GABBR2: variants seen among roughly 807,000 people sequenced by gnomAD.
GABBR2 encodes gamma-aminobutyric acid type B receptor subunit 2.
GABBR2 carries 23 observed loss-of-function variants against 105.6 expected under a neutral mutation model. The observed-to-expected ratio is 0.22, with a 90% CI of 0.16 to 0.31. GABBR2 has a LOEUF of 0.31. Among genes scored for constraint, GABBR2 ranks in the 10% least tolerant of loss-of-function variants. The probability of loss-of-function intolerance (pLI) is 1.00; values close to 1 mark genes in which losing one functional copy is unlikely to be tolerated. For missense variants in GABBR2, 734 were observed against 1,245.5 expected, an observed-to-expected ratio of 0.59 and a Z score of 6.18; for synonymous variants, 478 against 499.7, an observed-to-expected ratio of 0.96 and a Z score of 0.58.
intron 13 of GABBR2, among the ~76,000 whole-genome samples, chr9:98,358,281 A>G (rs529524841): frequency 2.8e-4 from 43 of 152,340 alleles, no homozygotes; most frequent in African/African-American, 1.0e-3. Flanking sequence ...CTCATGTCAA[A>G]TAGTTTTCCA....
rs1826294696 is a variant in GABBR2 at position 98,454,709 on chromosome 9, T to G, written c.1000-492A>C. 6.6e-6 allele frequency among the ~76,000 whole-genome samples: 1 copy of G among 152,150 alleles called. No homozygotes were observed. The highest frequency in any genetic ancestry group is 1.5e-5 in the Non-Finnish European group (1 of 68,030). On this transcript the variant is annotated intron_variant, in intron 6 of 18. Transcript: ENST00000259455. The surrounding 1 kb of genome is among the most constrained non-coding windows in gnomAD (Gnocchi z 4.6). ...AGCTGGAATTCAGAATTCTGGGACT[T>G]CTCTGAGTTTCAGCAGCACAGAGGG...
chr9:98,637,260 A>T (rs574855105), intron 1 of GABBR2, among the ~76,000 whole-genome samples: 5 of 152,182 alleles, frequency 3.3e-5, no homozygotes, highest in Admixed American at 3.3e-4. Flanking sequence ...GCTGCATGCG[A>T]AAAGGGAGAC....
chr9:98,690,262 G>A (rs1483360693), intron 1 of GABBR2, among the ~76,000 whole-genome samples: 1 of 152,132 alleles, frequency 6.6e-6, no homozygotes, highest in Non-Finnish European at 1.5e-5. Flanking sequence ...AAGAAACTGA[G>A]TCTCAGAGAA....
intron 6 of GABBR2, among the ~76,000 whole-genome samples, chr9:98,458,672 T>C (rs1235293293): frequency 1.3e-5 from 2 of 152,186 alleles, no homozygotes; most frequent in Non-Finnish European, 2.9e-5. Context: ...ATCATTGCAC[T>C]CCAGCCTGGG....
At chr9:98,352,527 T>G (rs1227064574) in intron 13 of GABBR2, among the ~76,000 whole-genome samples, 3 of 151,868 alleles carry the variant, frequency 2.0e-5, no homozygotes, top group African/African-American at 7.3e-5. Flanking sequence ...AGATAGCACA[T>G]GTGGGTGGTG....
At chr9:98,640,569 G>A (rs1829946047) in intron 1 of GABBR2, among the ~76,000 whole-genome samples, 1 of 152,164 alleles carries the variant, frequency 6.6e-6, no homozygotes, top group Non-Finnish European at 1.5e-5. Context: ...ATACATGGAT[G>A]TACATGGAGT....
chr9:98,691,930 T>G (rs570601724), intron 1 of GABBR2, among the ~76,000 whole-genome samples: 107 of 152,274 alleles, frequency 7.0e-4, no homozygotes, highest in Non-Finnish European at 1.4e-3. Flanking sequence ...TCTTCAAATC[T>G]CCCTCACAGC....
At chr9:98,645,321 T>C (rs1030092634) in intron 1 of GABBR2, among the ~76,000 whole-genome samples, 2 of 152,148 alleles carry the variant, frequency 1.3e-5, no homozygotes, top group Non-Finnish European at 2.9e-5. Context: ...AAGCATAGCG[T>C]CCAGCCTTGG....
chr9:98,312,482 G>A (rs1453988283), intron 13 of GABBR2, among the ~76,000 whole-genome samples: 1 of 152,182 alleles, frequency 6.6e-6, no homozygotes, highest in Admixed American at 6.5e-5. Context: ...TGGTTGACAT[G>A]ATTTCTGTCA....
At chr9:98,330,803 C>G (rs1328541387) in intron 13 of GABBR2, among the ~76,000 whole-genome samples, 4 of 152,206 alleles carry the variant, frequency 2.6e-5, no homozygotes. Flanking sequence ...GTGTATAATT[C>G]AGTAGTTTTT....
intron 1 of GABBR2, among the ~76,000 whole-genome samples, chr9:98,656,233 G>A (rs1297106741): frequency 1.3e-5 from 2 of 152,128 alleles, no homozygotes; most frequent in African/African-American, 4.8e-5. Flanking sequence ...GATATTAAGG[G>A]TGGATATGGC....
intron 11 of GABBR2, among the ~76,000 whole-genome samples, chr9:98,379,431 G>A (rs945249931): frequency 6.6e-6 from 1 of 152,124 alleles, no homozygotes. Context: ...ACCATGCCTG[G>A]CTAATCTTTG....
chr9:98,613,357 G>GT (rs1293961993), intron 1 of GABBR2, among the ~76,000 whole-genome samples: 5 of 151,842 alleles, frequency 3.3e-5, no homozygotes, highest in Non-Finnish European at 7.4e-5. Context: ...CAAGAATCGC[G>GT]TGAGCCCAGT....
intron 1 of GABBR2, among the ~76,000 whole-genome samples, chr9:98,609,497 A>G (rs951583452): frequency 5.9e-5 from 9 of 152,094 alleles, no homozygotes; most frequent in Non-Finnish European, 1.2e-4. Context: ...CTGACATTTC[A>G]TTGGGTGATT....
chr9:98,590,694 T>C (rs1000667656), intron 1 of GABBR2, among the ~76,000 whole-genome samples: 4 of 152,240 alleles, frequency 2.6e-5, no homozygotes, highest in Non-Finnish European at 5.9e-5. Flanking sequence ...AAACTCCAAC[T>C]ACGTGTGCCA....
At chr9:98,333,986 C>T (rs1253295488) in intron 13 of GABBR2, among the ~76,000 whole-genome samples, 2 of 152,186 alleles carry the variant, frequency 1.3e-5, no homozygotes, top group Non-Finnish European at 2.9e-5. Context: ...GTTGATAAAG[C>T]AAAGAACTTG....
chr9:98,642,396 T>C (rs781149964), intron 1 of GABBR2, among the ~76,000 whole-genome samples: 1 of 152,244 alleles, frequency 6.6e-6, no homozygotes, highest in Non-Finnish European at 1.5e-5. Flanking sequence ...GCAGTCTCTA[T>C]GCCTCTTCCA....
At chr9:98,294,208 A>G (rs1239510298) in intron 17 of GABBR2, among the ~76,000 whole-genome samples, 1 of 152,200 alleles carries the variant, frequency 6.6e-6, no homozygotes, top group Non-Finnish European at 1.5e-5. Context: ...TAACTTAGAA[A>G]CAAGAGGTTC....
At chr9:98,369,372 C>T (rs1301297381) in intron 12 of GABBR2, among the ~76,000 whole-genome samples, 1 of 152,082 alleles carries the variant, frequency 6.6e-6, no homozygotes, top group African/African-American at 2.4e-5. Context: ...CAGGGGGCTG[C>T]AGTCCTGAAG....
Sources: gnomAD v4.1 joint callset for allele counts (sites outside exome capture counted in the v4.1 genomes callset) on GRCh38, gnomAD v4.1.1 for gene constraint, Gnocchi (gnomAD v3.1) non-coding constraint, MANE v1.5 for transcripts, NCBI Gene and HGNC (gene_info 2026-07-23, HGNC 2026-07-21) for gene names.